Variants in CFAP299 observed in about 807,000 individuals in gnomAD.
CFAP299 encodes the protein cilia- and flagella-associated protein 299.
Under a neutral mutation model 27.0 loss-of-function variants are expected in CFAP299, and 21 were observed. The ratio of observed to expected loss-of-function variants is 0.78; its 90% CI spans 0.55 to 1.12. The LOEUF (loss-of-function observed/expected upper bound fraction) is 1.12, where lower values mean the gene tolerates loss of function less well. Among genes scored for constraint, CFAP299 ranks in the 50% most tolerant of loss-of-function variants. The pLI is 0.00. For missense variants in CFAP299, 310 were observed against 276.6 expected, an observed-to-expected ratio of 1.12 and a Z score of -0.86; for synonymous variants, 104 against 98.1, an observed-to-expected ratio of 1.06 and a Z score of -0.36.
At chr4:80,349,972 A>G (rs1722941282) in intron 1 of CFAP299, among the ~76,000 whole-genome samples, 1 of 149,542 alleles carries the variant, frequency 6.7e-6, no homozygotes, top group African/African-American at 2.6e-5. Flanking sequence ...AACATACAAG[A>G]AAAAATGCTG....
intron 2 of CFAP299, among the ~76,000 whole-genome samples, chr4:80,550,327 T>G (rs1020772507): frequency 6.6e-6 from 1 of 152,090 alleles, no homozygotes; most frequent in Non-Finnish European, 1.5e-5. Flanking sequence ...TTGATTGATA[T>G]GAAGTGCAGG....
At chr4:80,482,861 C>T (rs745988313) in intron 2 of CFAP299, among the ~76,000 whole-genome samples, 16 of 152,136 alleles carry the variant, frequency 1.1e-4, no homozygotes, top group Non-Finnish European at 1.6e-4. Context: ...TTTGTCTTTT[C>T]AATATATTTA....
chr4:80,770,649 A>G (rs1726159296), intron 3 of CFAP299, among the ~76,000 whole-genome samples: 1 of 152,136 alleles, frequency 6.6e-6, no homozygotes, highest in Non-Finnish European at 1.5e-5. Flanking sequence ...ACATATTTCA[A>G]TTTTACTTTG....
In CFAP299 at chr4:80,814,387, A is replaced by G. The variant is rs1354570940; in HGVS notation, c.334-55606A>G. Among the ~76,000 whole-genome samples, 3 of 152,176 alleles carry G rather than the reference A, an allele frequency of 2.0e-5. No individual in the cohort carries two copies. In the East Asian group the frequency reaches 5.8e-4, roughly 29 times the overall value. On this transcript the variant is annotated intron_variant, in intron 3 of 5. Transcript: ENST00000358105. ...AACACAGATGGACATGAGTATCATA[A>G]TGTCATTAGTAAAGCCATTTAAAGG...
At chr4:80,386,357 T>C in intron 2 of CFAP299, 2 of 1,443,312 alleles carry the variant, frequency 1.4e-6, no homozygotes, top group Non-Finnish European at 1.9e-6. Flanking sequence ...CGTTCAGCTC[T>C]GCGAAGGGCG....
chr4:80,369,005 G>A (rs372763729), intron 2 of CFAP299, among the ~76,000 whole-genome samples: 5 of 152,188 alleles, frequency 3.3e-5, no homozygotes, highest in African/African-American at 1.2e-4. Context: ...CAGGGTCAGA[G>A]CCCTAACCTC....
chr4:80,424,506 A>C (rs1403982732), intron 2 of CFAP299, among the ~76,000 whole-genome samples: 1 of 152,226 alleles, frequency 6.6e-6, no homozygotes, highest in Non-Finnish European at 1.5e-5. Context: ...AGCTTCTCAA[A>C]GATGATGTAA....
At chr4:80,730,565 C>T (rs1024040310) in intron 3 of CFAP299, among the ~76,000 whole-genome samples, 8 of 152,096 alleles carry the variant, frequency 5.3e-5, no homozygotes, top group Non-Finnish European at 1.0e-4. Context: ...CAAAGTCCCA[C>T]TTCAGTGAGC....
intron 3 of CFAP299, among the ~76,000 whole-genome samples, chr4:80,612,376 C>G (rs1211366829): frequency 6.6e-6 from 1 of 152,016 alleles, no homozygotes; most frequent in Non-Finnish European, 1.5e-5. Flanking sequence ...TTTAATTTCT[C>G]TGGAAATGAT....
intron 2 of CFAP299, chr4:80,386,216 T>C: frequency 1.0e-6 from 1 of 979,206 alleles, no homozygotes; most frequent in Non-Finnish European, 1.5e-6. Flanking sequence ...ACAGCGAGCA[T>C]GGCACATGGG....
chr4:80,442,473 A>C (rs1208685244), intron 2 of CFAP299, among the ~76,000 whole-genome samples: 1 of 152,216 alleles, frequency 6.6e-6, no homozygotes, highest in Non-Finnish European at 1.5e-5. Context: ...AAATAACGAA[A>C]TTAAGGCAGA....
At chr4:80,911,042 C>T (rs894051455) in intron 4 of CFAP299, among the ~76,000 whole-genome samples, 2 of 152,026 alleles carry the variant, frequency 1.3e-5, no homozygotes, top group Non-Finnish European at 2.9e-5. Context: ...TCATCACAAA[C>T]TTACCATTTT....
intron 2 of CFAP299, among the ~76,000 whole-genome samples, chr4:80,472,396 G>A (rs555983932): frequency 1.6e-4 from 25 of 152,232 alleles, no homozygotes; most frequent in Non-Finnish European, 2.5e-4. Context: ...AAACTTTGAC[G>A]CATAATTAAT....
intron 2 of CFAP299, among the ~76,000 whole-genome samples, chr4:80,523,073 C>T (rs1733000645): frequency 6.6e-6 from 1 of 152,062 alleles, no homozygotes. Flanking sequence ...TTAATTTGTA[C>T]ATCTCTTTGG....
At chr4:80,747,254 A>C (rs900325167) in intron 3 of CFAP299, among the ~76,000 whole-genome samples, 6 of 152,076 alleles carry the variant, frequency 3.9e-5, no homozygotes, top group African/African-American at 1.2e-4. Flanking sequence ...AGTATTATGT[A>C]CTGTATATAA....
chr4:80,365,014 C>G (rs1723755164), intron 2 of CFAP299, among the ~76,000 whole-genome samples: 3 of 152,114 alleles, frequency 2.0e-5, no homozygotes, highest in Admixed American at 2.0e-4. Flanking sequence ...CATTGATGAG[C>G]ATTTGGGTTG....
intron 3 of CFAP299, among the ~76,000 whole-genome samples, chr4:80,823,650 T>C (rs911170857): frequency 1.3e-5 from 2 of 152,124 alleles, no homozygotes; most frequent in African/African-American, 2.4e-5. Flanking sequence ...ATTCAACAAA[T>C]GCTAATTACA....
intron 1 of CFAP299, among the ~76,000 whole-genome samples, chr4:80,354,016 A>G (rs1578346065): frequency 6.6e-6 from 1 of 152,176 alleles, no homozygotes; most frequent in African/African-American, 2.4e-5. Flanking sequence ...ACCTAAGAAG[A>G]CTGTTTGCAG....
At chr4:80,458,785 G>A (rs1164721737) in intron 2 of CFAP299, among the ~76,000 whole-genome samples, 2 of 151,964 alleles carry the variant, frequency 1.3e-5, no homozygotes, top group African/African-American at 2.4e-5. Flanking sequence ...GCAAGGTTTC[G>A]AATGCCCCAG....
Sources: gnomAD v4.1 joint callset for allele counts (sites outside exome capture counted in the v4.1 genomes callset) on GRCh38, gnomAD v4.1.1 for gene constraint, MANE v1.5 for transcripts, NCBI Gene and HGNC (gene_info 2026-07-23, HGNC 2026-07-21) for gene names.